Variants in SPRED1 observed in about 807,000 individuals in gnomAD.
SPRED1 encodes sprouty-related, EVH1 domain-containing protein 1.
A neutral mutation model predicts 52.3 loss-of-function variants in SPRED1; 18 were observed. The observed-to-expected ratio is 0.34, with a 90% CI of 0.24 to 0.51. The LOEUF is 0.51. Ranked by LOEUF, SPRED1 falls within the 20% of genes least tolerant of loss-of-function variation. SPRED1 has a pLI of 0.97. For synonymous variants in SPRED1, 155 were observed against 179.7 expected (o/e 0.86, Z 1.10); for missense variants, 485 against 551.0 (o/e 0.88, Z 1.20).
chr15:38,299,594 C>T lies in SPRED1; in HGVS notation c.207+47C>T, dbSNP rs1244148245. The T allele has an allele frequency of 2.6e-6, 4 of 1,558,024 alleles. No individual in the cohort carries two copies. In the Admixed American group the frequency reaches 6.8e-5, roughly 26 times the overall value. On this transcript the variant is annotated intron_variant, in intron 2 of 6. Coordinates refer to ENST00000299084, the MANE Select transcript of SPRED1 (RefSeq NM_152594.3). ...ACTATAATTTTAGATAATGAATTAT[C>T]TGTTTAAAGTTATGATTAGTATACT...
rs1370694241 is a variant in SPRED1, at chr15:38,353,170, GATAAAA to G, written c.*1509_*1514del. ...TTTAATGGCTTGAAGTTTCAGAGGT[GATAAAA>G]ATTAAAATCACACTACTATTTGAAG... On this transcript the variant is annotated 3_prime_UTR_variant, in exon 7 of 7. Coordinates refer to ENST00000299084, the MANE Select transcript of SPRED1 (RefSeq NM_152594.3). 1.3e-5 allele frequency: 2 copies of G among 152,262 alleles called. No homozygotes were observed. The highest frequency in any genetic ancestry group is 4.8e-5 in the African/African-American group (2 of 41,382). The allele number at this position is 152,262 out of a possible 1,614,324, so 9.4% of individuals were successfully genotyped here. A position where few individuals can be genotyped will look rare whatever the true frequency, so the allele number is the denominator to read the frequency against.
chr15:38,337,093 T>G (rs929709231), intron 4 of SPRED1, among the ~76,000 whole-genome samples: 6 of 152,218 alleles, frequency 3.9e-5, no homozygotes, highest in South Asian at 2.1e-4. Flanking sequence ...TATTAAATGC[T>G]TTTTTATTGC....
At chr15:38,327,660 A>G (rs1197180352) in intron 4 of SPRED1, among the ~76,000 whole-genome samples, 2 of 152,234 alleles carry the variant, frequency 1.3e-5, no homozygotes, top group Non-Finnish European at 2.9e-5. Flanking sequence ...CAAGTCCTCC[A>G]GCCACAAACA....
intron 2 of SPRED1, 101 bp downstream of exon 2, chr15:38,299,648 G>C (rs969159329): frequency 1.7e-6 from 2 of 1,192,304 alleles, no homozygotes; most frequent in African/African-American, 3.0e-5. Context: ...CTGTGAATCA[G>C]TAATTATGTT....
At chr15:38,286,836 T>G (rs567218166) in intron 1 of SPRED1, among the ~76,000 whole-genome samples, 1 of 152,288 alleles carries the variant, frequency 6.6e-6, no homozygotes, top group Admixed American at 6.5e-5. Flanking sequence ...AGTATTTGAA[T>G]CATGGAGTGC....
chr15:38,294,964 A>G (rs1181236407), intron 1 of SPRED1, among the ~76,000 whole-genome samples: 1 of 152,200 alleles, frequency 6.6e-6, no homozygotes, highest in East Asian at 1.9e-4. Context: ...TGTAAAGGGT[A>G]AAGTTGCTTT....
At chr15:38,269,676 A>G (rs1172911498) in intron 1 of SPRED1, among the ~76,000 whole-genome samples, 1 of 152,196 alleles carries the variant, frequency 6.6e-6, no homozygotes, top group Non-Finnish European at 1.5e-5. Flanking sequence ...GCTTTATTAG[A>G]ATTCTTTGAG....
intron 1 of SPRED1, among the ~76,000 whole-genome samples, chr15:38,276,355 T>G (rs1916148): frequency 0.65 from 99,137 of 151,592 alleles, 33,564 homozygotes; most frequent in Non-Finnish European, 0.75. Flanking sequence ...TATGCGGAAG[T>G]GTTATATATA....
chr15:38,343,821 T>C (rs894690598), intron 5 of SPRED1, among the ~76,000 whole-genome samples: 3 of 152,180 alleles, frequency 2.0e-5, no homozygotes, highest in Admixed American at 6.6e-5. Context: ...GCTTTACTTA[T>C]ATAACTCATT....
intron 4 of SPRED1, among the ~76,000 whole-genome samples, chr15:38,330,740 A>G (rs1022132644): frequency 8.5e-5 from 13 of 152,156 alleles, no homozygotes; most frequent in Non-Finnish European, 1.2e-4. Context: ...TTATTTTAGT[A>G]GTATATGAGC....
intron 1 of SPRED1, among the ~76,000 whole-genome samples, chr15:38,258,987 A>T (rs1894155368): frequency 6.6e-6 from 1 of 152,204 alleles, no homozygotes; most frequent in Non-Finnish European, 1.5e-5. Flanking sequence ...ATTTGGACTA[A>T]GCATCATATG....
intron 2 of SPRED1, among the ~76,000 whole-genome samples, chr15:38,304,705 G>A (rs2061929179): frequency 6.6e-6 from 1 of 151,940 alleles, no homozygotes; most frequent in Admixed American, 6.5e-5. Flanking sequence ...ATTTCAGCAG[G>A]CTACTTTCCT....
chr15:38,328,309 C>T (rs897803186), intron 4 of SPRED1, among the ~76,000 whole-genome samples: 2 of 152,200 alleles, frequency 1.3e-5, no homozygotes, highest in Non-Finnish European at 2.9e-5. Flanking sequence ...TGGAAATCCT[C>T]TCCCTTTTGG....
rs577769507 is a variant in SPRED1 at position 38,352,258 on chromosome 15, A to C, written c.*594A>C. On this transcript the variant is annotated 3_prime_UTR_variant, in exon 7 of 7. Coordinates refer to ENST00000299084, the MANE Select transcript of SPRED1 (RefSeq NM_152594.3). ...CTGAAGTAGATATATATATATATATATCTACTGTCACATTCCATATATTTT... is the reference window on the plus strand; with the variant it reads ...CTGAAGTAGATATATATATATATATCTCTACTGTCACATTCCATATATTTT... 12 of 152,422 alleles carry C rather than the reference A, an allele frequency of 7.9e-5. No individual in the cohort carries two copies. In the South Asian group the frequency reaches 8.3e-4, roughly 11 times the overall value. The allele number at this position is 152,422 out of a possible 1,614,324, so 9.4% of individuals were successfully genotyped here. A position where few individuals can be genotyped will look rare whatever the true frequency, so the allele number is the denominator to read the frequency against.
chr15:38,266,696 A>G (rs927327779), intron 1 of SPRED1, among the ~76,000 whole-genome samples: 6 of 152,130 alleles, frequency 3.9e-5, no homozygotes, highest in African/African-American at 1.4e-4. Flanking sequence ...TCAACTTTGT[A>G]TTATCATTTT....
At chr15:38,330,219 G>A (rs965563456) in intron 4 of SPRED1, among the ~76,000 whole-genome samples, 1 of 150,932 alleles carries the variant, frequency 6.6e-6, no homozygotes, top group Non-Finnish European at 1.5e-5. Context: ...CAGGTTAGAG[G>A]ACTTGTTTTC....
intron 6 of SPRED1, 78 bp from the exon 7 acceptor site, chr15:38,350,936 G>T (rs1888468933): frequency 1.5e-6 from 2 of 1,359,302 alleles, no homozygotes; most frequent in African/African-American, 2.9e-5. Flanking sequence ...CAAATATCTG[G>T]ACACTGGCCC....
chr15:38,268,055 C>A (rs1894348235), intron 1 of SPRED1: 1 of 152,130 alleles, frequency 6.6e-6, no homozygotes, highest in South Asian at 2.1e-4. Context: ...ACTGGATTTA[C>A]AAATAATTAT....
At chr15:38,311,103 A>G (rs1324711899) in intron 2 of SPRED1, among the ~76,000 whole-genome samples, 2 of 152,132 alleles carry the variant, frequency 1.3e-5, no homozygotes, top group African/African-American at 4.8e-5. Context: ...TTTTTTATCA[A>G]ATTGAGATAA....
Sources: gnomAD v4.1 joint callset for allele counts (sites outside exome capture counted in the v4.1 genomes callset) on GRCh38, gnomAD v4.1.1 for gene constraint, MANE v1.5 for transcripts, NCBI Gene and HGNC (gene_info 2026-07-23, HGNC 2026-07-21) for gene names.